The following ZSWIM7 variants were observed in gnomAD, a reference collection of about 807,000 sequenced individuals.
ZSWIM7 encodes zinc finger SWIM-type containing 7.
A neutral mutation model predicts 21.1 loss-of-function variants in ZSWIM7; 22 were observed. The ratio of observed to expected loss-of-function variants is 1.04; its 90% CI spans 0.74 to 1.49. The LOEUF (loss-of-function observed/expected upper bound fraction) is 1.49. Ranked by LOEUF, ZSWIM7 falls within the 40% of genes most tolerant of loss-of-function variation. ZSWIM7 has a pLI of 0.00. For missense variants in ZSWIM7, 193 were observed against 168.0 expected (o/e 1.15, Z -0.82); for synonymous variants, 67 against 66.5 (o/e 1.01, Z -0.04).
intron 2 of ZSWIM7, among the ~76,000 whole-genome samples, chr17:15,990,572 A>C (rs1970470017): frequency 6.6e-6 from 1 of 152,114 alleles, no homozygotes. Flanking sequence ...TATAAACTAG[A>C]AAATAAAATG....
intron 3 of ZSWIM7, among the ~76,000 whole-genome samples, chr17:15,984,240 C>A (rs58314783): frequency 6.6e-6 from 1 of 152,298 alleles, no homozygotes; most frequent in East Asian, 1.9e-4. Flanking sequence ...TAGCAGTGGA[C>A]AACTAATGAA....
chr17:15,987,199 AC>A (rs1970422799), intron 3 of ZSWIM7, 66 bp downstream of exon 3: 1 of 1,309,712 alleles, frequency 7.6e-7, no homozygotes, highest in East Asian at 2.4e-5. Context: ...AACAGCTTCT[AC>A]AGAGATGAAG....
intron 1 of ZSWIM7, 146 bp from the exon 2 acceptor site, chr17:15,993,924 C>T: frequency 1.8e-6 from 1 of 570,370 alleles, no homozygotes; most frequent in South Asian, 2.2e-5. Flanking sequence ...CTTCCCCAAA[C>T]CCCACTAAAA....
At chr17:15,987,479 G>C in intron 2 of ZSWIM7, 111 bp from the exon 3 acceptor site, 2 of 880,714 alleles carry the variant, frequency 2.3e-6, no homozygotes, top group Non-Finnish European at 3.5e-6. Flanking sequence ...TTTTAATTTT[G>C]AAAAAAGGAA....
At chr17:15,993,383 T>TATTTA (rs1970509385) in intron 2 of ZSWIM7, among the ~76,000 whole-genome samples, 1 of 144,488 alleles carries the variant, frequency 6.9e-6, no homozygotes, top group African/African-American at 2.5e-5. Flanking sequence ...TTTATTTATT[T>TATTTA]TTGAGACAGA....
At chr17:15,998,755 C>CTTT (rs10551472) in intron 1 of ZSWIM7, among the ~76,000 whole-genome samples, 1 of 130,294 alleles carries the variant, frequency 7.7e-6, no homozygotes, top group Non-Finnish European at 1.6e-5. Flanking sequence ...TCTTAAAATG[C>CTTT]TTTTTTTTTT....
intron 4 of ZSWIM7, among the ~76,000 whole-genome samples, chr17:15,979,526 G>A (rs1970321889): frequency 6.6e-6 from 1 of 152,056 alleles, no homozygotes. Flanking sequence ...ACGGGGTGGT[G>A]GCCGGGCAGA....
chr17:15,995,450 C>T (rs1220653514), intron 1 of ZSWIM7, among the ~76,000 whole-genome samples: 1 of 151,490 alleles, frequency 6.6e-6, no homozygotes, highest in Non-Finnish European at 1.5e-5. Context: ...TTAGTAGAGA[C>T]GGGGTTTCTC....
intron 1 of ZSWIM7, among the ~76,000 whole-genome samples, chr17:15,998,109 A>C (rs1311617719): frequency 6.6e-6 from 1 of 151,998 alleles, no homozygotes; most frequent in East Asian, 1.9e-4. Flanking sequence ...AAAAAAAAAA[A>C]ACAAACCAAC....
intron 4 of ZSWIM7, among the ~76,000 whole-genome samples, chr17:15,980,581 C>T (rs1406666650): frequency 6.6e-6 from 1 of 152,066 alleles, no homozygotes; most frequent in Non-Finnish European, 1.5e-5. Flanking sequence ...ATGGTCTGGA[C>T]TCTGATGAAA....
chr17:15,981,470 G>T (rs1184035723), intron 3 of ZSWIM7, among the ~76,000 whole-genome samples: 6 of 145,996 alleles, frequency 4.1e-5, no homozygotes, highest in Non-Finnish European at 3.0e-5. Context: ...GAAGGAAGTG[G>T]GGGGGGGGAA....
intron 3 of ZSWIM7, among the ~76,000 whole-genome samples, chr17:15,985,432 T>C (rs1053088932): frequency 6.6e-6 from 1 of 152,172 alleles, no homozygotes; most frequent in Non-Finnish European, 1.5e-5. Context: ...AAGAATGACC[T>C]ATGAAAAGAT....
chr17:15,992,439 C>CTTTTT (rs11455913), intron 2 of ZSWIM7, among the ~76,000 whole-genome samples: 1 of 121,998 alleles, frequency 8.2e-6, no homozygotes, highest in Non-Finnish European at 1.6e-5. Context: ...AACAGCTACG[C>CTTTTT]TTTTTTTTTT....
intron 3 of ZSWIM7, among the ~76,000 whole-genome samples, chr17:15,983,729 G>C (rs917434506): frequency 1.3e-5 from 2 of 152,080 alleles, no homozygotes; most frequent in Non-Finnish European, 2.9e-5. Context: ...TGGGATTACA[G>C]GCATGTGCCA....
chr17:15,986,741 A>G (rs969545304), intron 3 of ZSWIM7: 1 of 152,160 alleles, frequency 6.6e-6, no homozygotes, highest in Non-Finnish European at 1.5e-5. Flanking sequence ...CAGGGTATCT[A>G]TGGTACAACA....
At chr17:15,994,829 C>A (rs943745723) in intron 1 of ZSWIM7, among the ~76,000 whole-genome samples, 1 of 152,138 alleles carries the variant, frequency 6.6e-6, no homozygotes, top group African/African-American at 2.4e-5. Context: ...GTTTCCCCAA[C>A]TAAATAGCCT....
At chr17:15,996,203 T>G (rs1970551964) in intron 1 of ZSWIM7, among the ~76,000 whole-genome samples, 1 of 152,074 alleles carries the variant, frequency 6.6e-6, no homozygotes, top group South Asian at 2.1e-4. Flanking sequence ...CTCGAGAGAC[T>G]GAGGCAGGAG....
chr17:15,993,972 G>A (rs1056680309), intron 1 of ZSWIM7, 194 bp from the exon 2 acceptor site: 9 of 481,408 alleles, frequency 1.9e-5, no homozygotes, highest in Admixed American at 1.1e-4. Context: ...TTTTTGAGAC[G>A]GAGTCTTGTC....
intron 2 of ZSWIM7, 24 bp downstream of exon 2, chr17:15,993,733 A>G (rs1443796285): frequency 6.2e-6 from 9 of 1,440,550 alleles, no homozygotes; most frequent in Middle Eastern, 1.8e-4. Flanking sequence ...AAAAAAAATC[A>G]AATACAACAG....
Sources: allele counts gnomAD v4.1 joint callset (sites outside exome capture counted in the v4.1 genomes callset), GRCh38; gene constraint gnomAD v4.1.1; transcripts MANE v1.5; gene names NCBI Gene and HGNC (gene_info 2026-07-23, HGNC 2026-07-21).